Variants in SLC5A4 observed in about 807,000 individuals in gnomAD.
SLC5A4 encodes the protein probable glucose sensor protein SLC5A4.
A neutral mutation model predicts 70.3 loss-of-function variants in SLC5A4; 55 were observed. The observed-to-expected ratio is 0.78, with a 90% CI of 0.63 to 0.98. SLC5A4 has a LOEUF of 0.98. SLC5A4 is among the 50% of genes least tolerant of loss of function. SLC5A4 has a pLI of 0.00. For synonymous variants in SLC5A4, 268 were observed against 305.7 expected, an observed-to-expected ratio of 0.88 and a Z score of 1.29; for missense variants, 735 against 839.2, an observed-to-expected ratio of 0.88 and a Z score of 1.53.
At chr22:32,267,729 G>A in the SLC5A4 span, among the ~76,000 whole-genome samples, 1 of 152,168 alleles carries the variant, frequency 6.6e-6, no homozygotes, top group Admixed American at 6.5e-5. Context: ...TACACTGAAA[G>A]CACATCTCAA....
the SLC5A4 span, among the ~76,000 whole-genome samples, chr22:32,315,667 C>T: frequency 4.0e-5 from 6 of 151,594 alleles, no homozygotes; most frequent in Non-Finnish European, 7.4e-5. Context: ...CAACAGAGAC[C>T]GTATGGTGAA....
At chr22:32,286,654 G>A in the SLC5A4 span, among the ~76,000 whole-genome samples, 1 of 152,170 alleles carries the variant, frequency 6.6e-6, no homozygotes, top group Admixed American at 6.5e-5. Context: ...ACTGATACTG[G>A]AGGCTGGGGC....
At chr22:32,290,963 A>G in the SLC5A4 span, among the ~76,000 whole-genome samples, 1 of 152,164 alleles carries the variant, frequency 6.6e-6, no homozygotes, top group Non-Finnish European at 1.5e-5. Context: ...CATTTGAACC[A>G]TTTCAGCCTC....
the SLC5A4 span, among the ~76,000 whole-genome samples, chr22:32,311,619 G>A: frequency 8.5e-5 from 13 of 152,178 alleles, no homozygotes; most frequent in Non-Finnish European, 1.6e-4. Flanking sequence ...CCATAGCCTC[G>A]TTACCCTGCC....
chr22:32,251,901 T>C lies in SLC5A4; in HGVS notation c.208-27A>G, dbSNP rs779375976. ...TGGAATGCAAGAGAACAGACTAGGG[T>C]TGGAGTTAAAAGATCCAAATCAGAC... On this transcript the variant is annotated intron_variant, in intron 2 of 14. Transcript: ENST00000266086. 7 of 1,542,038 alleles carry C rather than the reference T, an allele frequency of 4.5e-6. No individual in the cohort carries two copies. The African/African-American group carries it at 9.5e-5, about 21-fold the overall frequency.
the SLC5A4 span, among the ~76,000 whole-genome samples, chr22:32,308,498 A>G: frequency 0.49 from 73,839 of 152,070 alleles, 18,102 homozygotes; most frequent in Admixed American, 0.52. Context: ...CCACAGCCCT[A>G]GTCTGTTTGA....
At chr22:32,300,075 A>C in the SLC5A4 span, among the ~76,000 whole-genome samples, 55 of 150,276 alleles carry the variant, frequency 3.7e-4, no homozygotes, top group African/African-American at 1.3e-3. Context: ...AGACAGGGAC[A>C]TTTAAGTCTG....
the SLC5A4 span, among the ~76,000 whole-genome samples, chr22:32,274,517 G>T: frequency 1.3e-5 from 2 of 151,794 alleles, no homozygotes; most frequent in African/African-American, 4.8e-5. Context: ...GTGAACAAAA[G>T]AAACAATCTC....
chr22:32,331,384 A>C, the SLC5A4 span, among the ~76,000 whole-genome samples: 2 of 152,068 alleles, frequency 1.3e-5, no homozygotes, highest in African/African-American at 4.8e-5. Context: ...GCACGGGGGA[A>C]ATGGCCGTGC....
intron 14 of SLC5A4, 120 bp downstream of exon 14, chr22:32,220,800 C>T: frequency 1.4e-6 from 1 of 728,438 alleles, no homozygotes. Flanking sequence ...TTTAAAGTTT[C>T]AGTTTGTCAT....
Position 32,251,751 on chromosome 22 carries a change from A to G in SLC5A4, c.312+19T>C, listed in dbSNP as rs1927174393. The G allele has an allele frequency of 5.5e-6, 8 of 1,447,196 alleles. No individual in the cohort carries two copies. In the East Asian group the frequency reaches 1.8e-4, roughly 33 times the overall value. The allele number at this position is 1,447,196 out of a possible 1,614,324, so 89.6% of individuals were successfully genotyped here. A position where few individuals can be genotyped will look rare whatever the true frequency, so the allele number is the denominator to read the frequency against. On this transcript the variant is annotated intron_variant, in intron 3 of 14. Transcript: ENST00000266086. ...GATATGGTTTTGATTTGAAGGAAAA[A>G]GCCTATGATGTCACTTACAGTCCAT...
At position 32,251,820 on chromosome 22, in the gene SLC5A4, C is replaced by T. The variant is rs1287475959; in HGVS notation, c.262G>A (p.Ala88Thr). 1 of 1,614,082 alleles carries T rather than the reference C, an allele frequency of 6.2e-7. No homozygotes were observed. Among genetic ancestry groups the T allele is most frequent in the African/African-American group, 1.3e-5 (1 of 75,042 alleles). Residue 88 changes from alanine to threonine, a missense_variant, in exon 3 of 15, where the codon GCT (alanine) becomes ACT (threonine). By Grantham distance (58) the Ala-to-Thr change is moderately conservative. Transcript: ENST00000266086. ...ACTCCTGAAGCTGCTCCTGTCCCAGCCAGCCCCACATAGTGGTTGCTGCCG... is the reference window on the plus strand; with the variant it reads ...ACTCCTGAAGCTGCTCCTGTCCCAGTCAGCCCCACATAGTGGTTGCTGCCG... ...NIGSNHYVGL[A>T]GTGAASGVAT...
the SLC5A4 span, among the ~76,000 whole-genome samples, chr22:32,279,803 G>A: frequency 6.6e-6 from 1 of 152,138 alleles, no homozygotes; most frequent in Admixed American, 6.5e-5. Context: ...TCCTCAACAT[G>A]TCTGCCCTCT....
intron 7 of SLC5A4, 93 bp downstream of exon 7, chr22:32,237,151 T>G: frequency 1.2e-6 from 1 of 833,870 alleles, no homozygotes; most frequent in Non-Finnish European, 2.0e-6. Context: ...CAGATGGAAC[T>G]GGAAGGCATC....
the SLC5A4 span, among the ~76,000 whole-genome samples, chr22:32,329,142 T>A: frequency 2.0e-5 from 3 of 152,260 alleles, no homozygotes; most frequent in Non-Finnish European, 4.4e-5. Flanking sequence ...TCTGCTTTTT[T>A]CTGCTTCAGG....
the SLC5A4 span, among the ~76,000 whole-genome samples, chr22:32,334,100 TCACA>T: frequency 1.5e-5 from 2 of 137,058 alleles, no homozygotes; most frequent in Admixed American, 7.1e-5. Flanking sequence ...CACACACACA[TCACA>T]TAGACCCACA....
the SLC5A4 span, among the ~76,000 whole-genome samples, chr22:32,330,974 G>GGTGTGTATGTTGGGGGCTTTGAT: frequency 4.9e-4 from 1 of 2,054 alleles, no homozygotes; most frequent in African/African-American, 2.3e-3. Context: ...TGGGGGCACT[G>GGTGTGTATGTTGGGGGCTTTGAT]GTGTGTGTGT....
chr22:32,289,742 G>A, the SLC5A4 span, among the ~76,000 whole-genome samples: 60 of 152,336 alleles, frequency 3.9e-4, no homozygotes, highest in East Asian at 5.8e-4. Context: ...CCAGTCTTAA[G>A]TATGTCTTAT....
At chr22:32,317,913 T>G in the SLC5A4 span, among the ~76,000 whole-genome samples, 1 of 152,206 alleles carries the variant, frequency 6.6e-6, no homozygotes, top group African/African-American at 2.4e-5. Context: ...CACCATCCCT[T>G]AGCCCCTCCC....
Sources: gnomAD v4.1 joint callset for allele counts (sites outside exome capture counted in the v4.1 genomes callset) on GRCh38, gnomAD v4.1.1 for gene constraint, MANE v1.5 for transcripts, NCBI Gene and HGNC (gene_info 2026-07-23, HGNC 2026-07-21) for gene names.